Variants in CASP6 observed in about 807,000 individuals in gnomAD.
CASP6 encodes the protein caspase-6.
A neutral mutation model predicts 31.8 loss-of-function variants in CASP6; 20 were observed. That is an observed-to-expected ratio of 0.63 (90% confidence interval 0.44 to 0.91). The LOEUF (loss-of-function observed/expected upper bound fraction) is 0.91. Among genes scored for constraint, CASP6 ranks in the 40% least tolerant of loss-of-function variants. The probability of loss-of-function intolerance (pLI) is 0.00; values close to 1 mark genes in which losing one functional copy is unlikely to be tolerated. For missense variants in CASP6, 328 were observed against 361.1 expected, an observed-to-expected ratio of 0.91 and a Z score of 0.74; for synonymous variants, 130 against 127.8, an observed-to-expected ratio of 1.02 and a Z score of -0.12.
upstream of CASP6, among the ~76,000 whole-genome samples, chr4:109,705,574 TTCA>T (rs766669452): frequency 1.1e-4 from 17 of 152,278 alleles, no homozygotes; most frequent in Non-Finnish European, 2.4e-4. Flanking sequence ...CTGGAAAGGA[TTCA>T]TCATTCGAGA....
At chr4:109,688,207 G>A (rs1486182226), downstream of CASP6, 1 of 152,194 alleles carries the variant, frequency 6.6e-6, no homozygotes, top group East Asian at 1.9e-4. Context: ...AGCCAAAACA[G>A]TTAACTTTCT....
rs952113221 is a variant in CASP6, at chr4:109,689,378, A to G, written c.834T>C (p.Phe278=). The stretch of plus-strand genomic sequence containing the variant: ...GCAGCTTTTTAGTTAGCATTGAGGC[A>G]AAACAGGGAACCTGCTTCTTTCCAA... The part of the protein sequence containing the change: ...SAIGKKQVPC[F]ASMLTKKLHF... Residue 278 remains phenylalanine (F), a synonymous_variant, in exon 7 of 7, where the codon TTT becomes TTC. Coordinates refer to ENST00000265164, the MANE Select transcript of CASP6 (RefSeq NM_001226.4). 6.2e-7 allele frequency: 1 copy of G among 1,614,246 alleles called. No individual in the cohort carries two copies. Among genetic ancestry groups the G allele is most frequent in the Non-Finnish European group, 8.5e-7 (1 of 1,180,054 alleles).
chr4:109,687,548 C>A (rs1202449658), downstream of CASP6: 7 of 1,612,822 alleles, frequency 4.3e-6, no homozygotes, highest in Middle Eastern at 4.9e-4. Context: ...GCGTCATTCT[C>A]TCTGTTTGCA....
chr4:109,691,233 C>T (rs1730046572), intron 5 of CASP6, among the ~76,000 whole-genome samples: 1 of 152,090 alleles, frequency 6.6e-6, no homozygotes, highest in Non-Finnish European at 1.5e-5. Context: ...AATTGGCATC[C>T]CCAAGTATAC....
intron 6 of CASP6, 35 bp downstream of exon 6, chr4:109,690,815 G>A (rs559787597): frequency 2.2e-5 from 34 of 1,561,202 alleles, no homozygotes; most frequent in Middle Eastern, 1.7e-4. Context: ...TTAGCCAAGA[G>A]AGGCAATTAT....
Position 109,695,050 on chromosome 4 carries a change from G to C in CASP6, c.308-350C>G, listed in dbSNP as rs565198749. Among the ~76,000 whole-genome samples the C allele has an allele frequency of 4.2e-3, 636 of 152,026 alleles. 3 individuals are homozygous for C. Among genetic ancestry groups the C allele is most frequent in the Non-Finnish European group, 5.9e-3 (402 of 67,984 alleles). Reference sequence around the variant, plus strand: ...TTTGCCATGTAGCCAGGCTAGTCTCGAACTCCTGACCTCAGGTGATCCACC... The same window carrying C: ...TTTGCCATGTAGCCAGGCTAGTCTCCAACTCCTGACCTCAGGTGATCCACC... On this transcript the variant is annotated intron_variant, in intron 4 of 6. Coordinates refer to ENST00000265164, the MANE Select transcript of CASP6 (RefSeq NM_001226.4).
At chr4:109,670,910 C>A in the CASP6 span, among the ~76,000 whole-genome samples, 2 of 152,110 alleles carry the variant, frequency 1.3e-5, no homozygotes, top group Non-Finnish European at 2.9e-5. Context: ...GGAATGCTTA[C>A]ATTTCAAGAG....
the CASP6 span, among the ~76,000 whole-genome samples, chr4:109,675,455 C>T: frequency 7.9e-5 from 12 of 152,238 alleles, no homozygotes; most frequent in Non-Finnish European, 1.5e-4. Flanking sequence ...CATAGTTTCT[C>T]ATAGCTCAAG....
At chr4:109,687,543 A>G (rs1284334139), downstream of CASP6, 1 of 1,612,926 alleles carries the variant, frequency 6.2e-7, no homozygotes, top group Non-Finnish European at 8.5e-7. Flanking sequence ...CAGGCGCGTC[A>G]TTCTCTCTGT....
downstream of CASP6, among the ~76,000 whole-genome samples, chr4:109,686,658 G>A (rs1377201729): frequency 2.0e-5 from 3 of 152,022 alleles, no homozygotes; most frequent in Admixed American, 6.5e-5. Context: ...GGAGGATCTC[G>A]AGTCCAGAAA....
downstream of CASP6, among the ~76,000 whole-genome samples, chr4:109,684,065 CTTTTT>C (rs71595507): frequency 7.1e-6 from 1 of 140,048 alleles, no homozygotes; most frequent in Non-Finnish European, 1.5e-5. Context: ...TTCCTCTTTT[CTTTTT>C]TTTTTTTTTT....
chr4:109,677,167 G>C, the CASP6 span, among the ~76,000 whole-genome samples: 3 of 152,224 alleles, frequency 2.0e-5, no homozygotes, highest in Non-Finnish European at 2.9e-5. Context: ...TTACTACCCT[G>C]TTGGGTTTTG....
the CASP6 span, chr4:109,681,585 C>G: frequency 3.0e-6 from 1 of 329,318 alleles, no homozygotes; most frequent in South Asian, 2.4e-5. Context: ...TGTTACAGCT[C>G]TATTAGAAGT....
intron 4 of CASP6, among the ~76,000 whole-genome samples, chr4:109,695,912 TTAAAG>T (rs1342938930): frequency 1.3e-5 from 2 of 152,088 alleles, no homozygotes; most frequent in African/African-American, 4.8e-5. Flanking sequence ...TGAAGAAAGT[TTAAAG>T]TAATTATGCA....
At position 109,690,979 on chromosome 4, in the gene CASP6, C is replaced by T. The variant is rs759981399; in HGVS notation, c.514G>A (p.Val172Ile). The T allele has an allele frequency of 6.2e-7, 1 of 1,612,994 alleles. No homozygotes were observed. Among genetic ancestry groups the T allele is most frequent in the African/African-American group, 1.3e-5 (1 of 75,024 alleles). The change falls in exon 6 of 7, where the codon GTC (valine) becomes ATC (isoleucine). Residue 172 changes from valine to isoleucine, a missense_variant. By Grantham distance (29) the Val-to-Ile change is conservative (BLOSUM62 3). Coordinates refer to ENST00000265164, the MANE Select transcript of CASP6 (RefSeq NM_001226.4). ...ACRGNQHDVP[V>I]IPLDVVDNQT... ...TTATCTACTACATCCAAAGGAATGA[C>T]TGGCACATCGTGCTGGTTTCCCCGA...
the CASP6 span, among the ~76,000 whole-genome samples, chr4:109,670,879 C>T: frequency 1.1e-4 from 17 of 152,136 alleles, no homozygotes; most frequent in South Asian, 2.9e-3. Context: ...TGTGGGAATG[C>T]GCCCACCTAT....
intron 4 of CASP6, among the ~76,000 whole-genome samples, chr4:109,696,202 A>T (rs5030563): frequency 0.019 from 2,942 of 152,288 alleles, 106 homozygotes; most frequent in African/African-American, 0.068. Context: ...GGTATGCTAA[A>T]TATAAACTTT....
intron 5 of CASP6, among the ~76,000 whole-genome samples, chr4:109,693,303 A>G (rs546134683): frequency 6.6e-6 from 1 of 152,356 alleles, no homozygotes; most frequent in Non-Finnish European, 1.5e-5. Flanking sequence ...GCAATGCAAG[A>G]ATAGACTAAC....
chr4:109,705,072 A>G (rs1302489168), upstream of CASP6, among the ~76,000 whole-genome samples: 1 of 152,228 alleles, frequency 6.6e-6, no homozygotes. Flanking sequence ...TAAGACTTTC[A>G]TAGCTAGAGA....
Sources: allele counts gnomAD v4.1 joint callset (sites outside exome capture counted in the v4.1 genomes callset), GRCh38; gene constraint gnomAD v4.1.1; transcripts MANE v1.5; gene names NCBI Gene and HGNC (gene_info 2026-07-23, HGNC 2026-07-21).